Variants in CELF4 observed in about 807,000 individuals in gnomAD.
The protein encoded by CELF4 is CUG-BP- and ETR-3-like factor 4.
Under a neutral mutation model 59.9 loss-of-function variants are expected in CELF4, and 18 were observed. That is an observed-to-expected ratio of 0.30 (90% CI 0.21 to 0.45). CELF4 has a LOEUF of 0.45. CELF4 is among the 20% of genes least tolerant of loss of function. The pLI is 1.00. For synonymous variants in CELF4, 261 were observed against 267.1 expected (o/e 0.98, Z 0.22); for missense variants, 456 against 689.0 (o/e 0.66, Z 3.79).
At chr18:37,331,571 T>C (rs1051014748) in intron 2 of CELF4, among the ~76,000 whole-genome samples, 2 of 152,102 alleles carry the variant, frequency 1.3e-5, no homozygotes, top group African/African-American at 4.8e-5. Flanking sequence ...GCTGTGTGCC[T>C]GGCTGGGGGT....
chr18:37,271,944 G>T (rs1233340735), intron 7 of CELF4, among the ~76,000 whole-genome samples: 1 of 152,220 alleles, frequency 6.6e-6, no homozygotes, highest in African/African-American at 2.4e-5. Context: ...CATGTAGGAA[G>T]CAGGGTCCCT....
rs367579087 is a variant in CELF4, at chr18:37,327,476, C to CTG, written c.370-5597_370-5596dup. Among the ~76,000 whole-genome samples the CTG allele has an allele frequency of 3.1e-3, 469 of 152,308 alleles. 2 individuals carry two copies. The highest frequency in any genetic ancestry group is 0.011 in the African/African-American group (453 of 41,580). On this transcript the variant is annotated intron_variant, in intron 2 of 12. Coordinates refer to ENST00000420428, the MANE Select transcript of CELF4 (RefSeq NM_020180.4). ...AGCACCCTGCCAGAGCAGGGCCAGC[C>CTG]TGTGTGTGGGGTGTGGAGCCCAACT...
At chr18:37,417,540 TCTCCCTTTGGAAGCC>T (rs2099539281) in intron 2 of CELF4, among the ~76,000 whole-genome samples, 1 of 152,180 alleles carries the variant, frequency 6.6e-6, no homozygotes, top group South Asian at 2.1e-4. Context: ...AGTGGTGCTA[TCTCCCTTTGGAAGCC>T]CGTAGGGCAG....
At chr18:37,454,570 C>T (rs763048139) in intron 2 of CELF4, among the ~76,000 whole-genome samples, 2 of 152,266 alleles carry the variant, frequency 1.3e-5, no homozygotes, top group South Asian at 2.1e-4. Context: ...GCTTTGTTCA[C>T]ACCCCCGCAA....
At chr18:37,342,233 G>GCA (rs56845978) in intron 2 of CELF4, among the ~76,000 whole-genome samples, 6,273 of 145,928 alleles carry the variant, frequency 0.043, 210 homozygotes, top group African/African-American at 0.098. Context: ...AACAGCACAT[G>GCA]CACACACACA....
intron 1 of CELF4, among the ~76,000 whole-genome samples, chr18:37,494,834 G>A (rs2099923234): frequency 6.6e-6 from 1 of 152,186 alleles, no homozygotes; most frequent in Admixed American, 6.5e-5. Flanking sequence ...GTCCTTGGAA[G>A]GGAGAGGTCC....
chr18:37,290,587 A>G (rs1409782142), intron 3 of CELF4, among the ~76,000 whole-genome samples: 1 of 152,174 alleles, frequency 6.6e-6, no homozygotes, highest in South Asian at 2.1e-4. Flanking sequence ...GGCCTAGCGC[A>G]TCTCACCCAC....
At chr18:37,452,219 T>C (rs1329721402) in intron 2 of CELF4, among the ~76,000 whole-genome samples, 1 of 152,212 alleles carries the variant, frequency 6.6e-6, no homozygotes, top group Non-Finnish European at 1.5e-5. Context: ...GCAGGAGTAA[T>C]AACAGCTACT....
At chr18:37,552,943 C>T (rs924105360) in intron 1 of CELF4, among the ~76,000 whole-genome samples, 1 of 152,218 alleles carries the variant, frequency 6.6e-6, no homozygotes, top group Non-Finnish European at 1.5e-5. Context: ...TAGTCATTCA[C>T]CACAGCTCAA....
At chr18:37,399,131 T>C (rs1490635640) in intron 2 of CELF4, among the ~76,000 whole-genome samples, 1 of 152,224 alleles carries the variant, frequency 6.6e-6, no homozygotes, top group African/African-American at 2.4e-5. Flanking sequence ...AAATACTTGT[T>C]GATCACTGCT....
chr18:37,542,765 C>T (rs2154605509), intron 1 of CELF4, among the ~76,000 whole-genome samples: 1 of 152,278 alleles, frequency 6.6e-6, no homozygotes, highest in Middle Eastern at 3.4e-3. Context: ...GATGTTTCTA[C>T]ATTTTCTCAC....
intron 3 of CELF4, among the ~76,000 whole-genome samples, chr18:37,292,110 C>T (rs1460149570): frequency 6.6e-5 from 10 of 152,114 alleles, no homozygotes; most frequent in Non-Finnish European, 1.5e-5. Context: ...GATGTTCTCA[C>T]CAGATATGGA....
chr18:37,393,212 C>T (rs1209895440), intron 2 of CELF4, among the ~76,000 whole-genome samples: 1 of 152,184 alleles, frequency 6.6e-6, no homozygotes, highest in Admixed American at 6.5e-5. Context: ...CTCCTGCTAC[C>T]TCCTGGTCAA....
chr18:37,451,495 C>G (rs1211013295), intron 2 of CELF4, among the ~76,000 whole-genome samples: 1 of 152,038 alleles, frequency 6.6e-6, no homozygotes, highest in Non-Finnish European at 1.5e-5. Context: ...GCATGTGTGT[C>G]ACTGCATGTT....
intron 2 of CELF4, among the ~76,000 whole-genome samples, chr18:37,405,415 C>T (rs1324976006): frequency 6.6e-6 from 1 of 152,240 alleles, no homozygotes; most frequent in Non-Finnish European, 1.5e-5. Context: ...CCCGCCACCT[C>T]TGCCCAGTTC....
chr18:37,268,820 G>A (rs1010692102), intron 8 of CELF4, among the ~76,000 whole-genome samples: 3 of 152,122 alleles, frequency 2.0e-5, no homozygotes, highest in African/African-American at 4.8e-5. Context: ...TCATTACAGC[G>A]GGTCCAAACT....
intron 2 of CELF4, among the ~76,000 whole-genome samples, chr18:37,362,105 G>A (rs72885344): frequency 6.6e-6 from 1 of 152,078 alleles, no homozygotes; most frequent in African/African-American, 2.4e-5. Flanking sequence ...CAGGGCAGAT[G>A]AGGGGAGGAG....
intron 2 of CELF4, among the ~76,000 whole-genome samples, chr18:37,439,225 C>T (rs574906991): frequency 6.6e-6 from 1 of 152,276 alleles, no homozygotes; most frequent in African/African-American, 2.4e-5. Flanking sequence ...TCTGCTTTAC[C>T]CTGAGAGGGG....
chr18:37,543,517 C>T (rs1016706878), intron 1 of CELF4, among the ~76,000 whole-genome samples: 1 of 152,002 alleles, frequency 6.6e-6, no homozygotes, highest in Non-Finnish European at 1.5e-5. Context: ...TGGGCAGGGG[C>T]TGTGGCTCTG....
Sources: allele counts gnomAD v4.1 joint callset (sites outside exome capture counted in the v4.1 genomes callset), GRCh38; gene constraint gnomAD v4.1.1; transcripts MANE v1.5; gene names NCBI Gene and HGNC (gene_info 2026-07-23, HGNC 2026-07-21).